VWA3B: variants seen among roughly 807,000 people sequenced by gnomAD.
VWA3B encodes von Willebrand factor A domain-containing protein 3B.
VWA3B carries 138 observed loss-of-function variants against 158.3 expected under a neutral mutation model. The observed-to-expected ratio is 0.87, with a 90% CI of 0.76 to 1.00. The LOEUF is 1.00. Ranked by LOEUF, VWA3B falls within the 50% of genes least tolerant of loss-of-function variation. The probability of loss-of-function intolerance (pLI) is 0.00; values close to 1 mark genes in which losing one functional copy is unlikely to be tolerated. For synonymous variants in VWA3B, 596 were observed against 587.3 expected (o/e 1.01, Z -0.21); for missense variants, 1,555 against 1,565.1 (o/e 0.99, Z 0.11).
At chr2:98,155,936 C>A (rs1165794788) in intron 7 of VWA3B, among the ~76,000 whole-genome samples, 2 of 152,116 alleles carry the variant, frequency 1.3e-5, no homozygotes, top group Non-Finnish European at 2.9e-5. Context: ...TATTTACATG[C>A]CTCTCTCACG....
rs543314868 is a variant in VWA3B, at chr2:98,119,747, G to A, written c.526G>A (p.Glu176Lys). Residue 176 changes from glutamate (E) to lysine (K), a missense_variant, in exon 4 of 28, where the codon GAG becomes AAG. Transcript: ENST00000477737. ...CCAGGAGCAGGTGGCTCACATAACC[G>A]AGTTCAATATCATACGGTGAGTTCC... ...VLQEQVAHIT[E>K]FNIIRVSQEP... The A allele has an allele frequency of 1.2e-5, 19 of 1,614,116 alleles. No individual in the cohort carries two copies. The highest frequency in any genetic ancestry group is 2.2e-5 in the East Asian group (1 of 44,866).
At chr2:98,298,952 G>A (rs1368782606) in intron 24 of VWA3B, among the ~76,000 whole-genome samples, 1 of 152,202 alleles carries the variant, frequency 6.6e-6, no homozygotes, top group Non-Finnish European at 1.5e-5. Flanking sequence ...CTTGGCCTGT[G>A]GCCAATCCAA....
intron 2 of VWA3B, among the ~76,000 whole-genome samples, chr2:98,101,300 C>T (rs181644495): frequency 6.6e-6 from 1 of 152,282 alleles, no homozygotes; most frequent in African/African-American, 2.4e-5. Flanking sequence ...CGTATATATA[C>T]TTTTGCATGA....
the VWA3B span, among the ~76,000 whole-genome samples, chr2:98,325,770 T>C: frequency 2.6e-5 from 4 of 152,200 alleles, no homozygotes; most frequent in Admixed American, 2.0e-4. Context: ...TCTTATATAG[T>C]TGTAGATTTT....
At chr2:98,188,537 C>A (rs1358912995) in intron 10 of VWA3B, among the ~76,000 whole-genome samples, 1 of 152,216 alleles carries the variant, frequency 6.6e-6, no homozygotes, top group East Asian at 1.9e-4. Context: ...GTTCTACTCA[C>A]TACCTCTATC....
chr2:98,216,100 G>T (rs112116693), intron 13 of VWA3B, among the ~76,000 whole-genome samples: 68 of 152,310 alleles, frequency 4.5e-4, no homozygotes, highest in African/African-American at 1.5e-3. Context: ...CACAGATGCT[G>T]TTCTGGATCA....
intron 12 of VWA3B, among the ~76,000 whole-genome samples, chr2:98,208,293 C>A (rs1182085360): frequency 6.6e-6 from 1 of 152,012 alleles, no homozygotes; most frequent in Non-Finnish European, 1.5e-5. Flanking sequence ...TAAATCGGGT[C>A]ATGTTTTTGT....
chr2:98,133,237 C>T (rs1025964758), intron 6 of VWA3B, among the ~76,000 whole-genome samples: 2 of 152,168 alleles, frequency 1.3e-5, no homozygotes, highest in East Asian at 3.9e-4. Context: ...TATTCCTAAC[C>T]TGCTGCTCCT....
chr2:98,268,679 C>CT (rs74265073), intron 21 of VWA3B, among the ~76,000 whole-genome samples: 6,713 of 139,272 alleles, frequency 0.048, 168 homozygotes, highest in South Asian at 0.073. Context: ...ATCTCCATTC[C>CT]TTTTTTTTTT....
chr2:98,273,895 G>A (rs914795177), intron 22 of VWA3B, among the ~76,000 whole-genome samples: 1 of 152,208 alleles, frequency 6.6e-6, no homozygotes, highest in Non-Finnish European at 1.5e-5. Flanking sequence ...TTGTGATTCA[G>A]AGCAGAGATA....
At chr2:98,284,838 G>T (rs560871957) in intron 22 of VWA3B, among the ~76,000 whole-genome samples, 1 of 152,134 alleles carries the variant, frequency 6.6e-6, no homozygotes, top group African/African-American at 2.4e-5. Flanking sequence ...AAAAAGAAAT[G>T]AGTAAAAATC....
At chr2:98,099,017 T>C (rs1553635031) in intron 2 of VWA3B, among the ~76,000 whole-genome samples, 1 of 152,150 alleles carries the variant, frequency 6.6e-6, no homozygotes, top group Non-Finnish European at 1.5e-5. Flanking sequence ...ATTTTTGATA[T>C]GATTTATATC....
intron 7 of VWA3B, among the ~76,000 whole-genome samples, chr2:98,134,715 C>G (rs1676132790): frequency 6.6e-6 from 1 of 152,006 alleles, no homozygotes; most frequent in Non-Finnish European, 1.5e-5. Flanking sequence ...AAACAGATTT[C>G]TAGCTTCATT....
chr2:98,237,458 T>C (rs1250830971), intron 19 of VWA3B, among the ~76,000 whole-genome samples: 1 of 152,186 alleles, frequency 6.6e-6, no homozygotes, highest in Non-Finnish European at 1.5e-5. Flanking sequence ...GCAAGCCACA[T>C]GTTAGCAAAA....
rs202210762 is a variant in VWA3B, at chr2:98,179,786, T to TTTTCTTTCTTTC, written c.1115-1198_1115-1187dup. Reference sequence around the variant, plus strand: ...TCCTTTCTCTCTTTCTTTCTCTTTCTTTTCTTTCTTTCTTTCTTTCTTTCT... The same window carrying TTTTCTTTCTTTC: ...TCCTTTCTCTCTTTCTTTCTCTTTCTTTTCTTTCTTTCTTTCTTTCTTTCTTTCTTTCTTTCT... On this transcript the variant is annotated intron_variant, in intron 8 of 27. Transcript: ENST00000477737. Among the ~76,000 whole-genome samples, 795 of 116,744 alleles carry TTTTCTTTCTTTC rather than the reference T, an allele frequency of 6.8e-3. 8 individuals carry two copies. Among genetic ancestry groups the TTTTCTTTCTTTC allele is most frequent in the Admixed American group, 0.016 (169 of 10,640 alleles). The allele number at this position is 116,744 out of a possible 152,430, so 76.6% of individuals were successfully genotyped here.
At chr2:98,089,070 G>A (rs1297789962) in intron 1 of VWA3B, among the ~76,000 whole-genome samples, 2 of 152,186 alleles carry the variant, frequency 1.3e-5, no homozygotes, top group Non-Finnish European at 2.9e-5. Flanking sequence ...GTGAGCCACC[G>A]TGCCCGGCCA....
chr2:98,280,408 A>C (rs1688804164), intron 22 of VWA3B, among the ~76,000 whole-genome samples: 1 of 152,208 alleles, frequency 6.6e-6, no homozygotes, highest in South Asian at 2.1e-4. Context: ...TGAGGTAGCT[A>C]TTTGTTAATG....
intron 2 of VWA3B, among the ~76,000 whole-genome samples, chr2:98,108,482 T>G (rs1673852578): frequency 6.6e-6 from 1 of 152,210 alleles, no homozygotes; most frequent in African/African-American, 2.4e-5. Context: ...TTTGTCTATT[T>G]CTTCTTTCAG....
intron 13 of VWA3B, chr2:98,217,109 TC>T (rs1312086109): frequency 5.2e-6 from 3 of 572,078 alleles, no homozygotes; most frequent in Non-Finnish European, 8.0e-6. Context: ...GGGAGCTCCA[TC>T]CCTGCAATGG....
Sources: gnomAD v4.1 joint callset for allele counts (sites outside exome capture counted in the v4.1 genomes callset) on GRCh38, gnomAD v4.1.1 for gene constraint, MANE v1.5 for transcripts, NCBI Gene and HGNC (gene_info 2026-07-23, HGNC 2026-07-21) for gene names.